SCAF8: variants seen among roughly 807,000 people sequenced by gnomAD.
SCAF8 encodes the protein SR-related and CTD-associated factor 8.
In SCAF8, 23 loss-of-function variants were observed where a neutral mutation model predicts 140.5. That is an observed-to-expected ratio of 0.16 (90% confidence interval 0.12 to 0.23). The LOEUF is 0.23. Among genes scored for constraint, SCAF8 ranks in the 10% least tolerant of loss-of-function variants. The pLI is 1.00. For missense variants in SCAF8, 1,397 were observed against 1,555.7 expected, an observed-to-expected ratio of 0.90 and a Z score of 1.72; for synonymous variants, 575 against 528.9, an observed-to-expected ratio of 1.09 and a Z score of -1.20.
chr6:154,820,171 C>T lies in SCAF8; in HGVS notation c.1636-6C>T. The T allele has an allele frequency of 1.3e-6, 2 of 1,578,872 alleles. No individual in the cohort carries two copies. The highest frequency in any genetic ancestry group is 1.2e-5 in the South Asian group (1 of 83,808). On this transcript the variant is annotated splice_polypyrimidine_tract_variant and splice_region_variant and intron_variant, in intron 14 of 19. Transcript: ENST00000367178. ...CTTTCTTTTTTCCTCTTCCCATTTA[C>T]AATAGATCGCTTGGGCTTTAAACAA...
intron 3 of SCAF8, among the ~76,000 whole-genome samples, chr6:154,778,783 G>GTGTGTGTT (rs1776993349): frequency 3.3e-5 from 5 of 150,954 alleles, no homozygotes; most frequent in Non-Finnish European, 7.4e-5. Flanking sequence ...GTGTGTGTGT[G>GTGTGTGTT]TGTGTGTGTG....
intron 8 of SCAF8, 44 bp from the exon 9 acceptor site, chr6:154,805,322 ATCT>A: frequency 9.2e-7 from 1 of 1,082,390 alleles, no homozygotes; most frequent in Non-Finnish European, 1.4e-6. Flanking sequence ...TTTTCATAGT[ATCT>A]TTAGTGGGTT....
intron 17 of SCAF8, among the ~76,000 whole-genome samples, chr6:154,826,857 A>G (rs1562466413): frequency 6.6e-6 from 1 of 152,212 alleles, no homozygotes; most frequent in Non-Finnish European, 1.5e-5. Context: ...AATAAGTAAA[A>G]TGGCATATAT....
intron 1 of SCAF8, among the ~76,000 whole-genome samples, chr6:154,751,296 T>C (rs956987038): frequency 6.6e-6 from 1 of 151,968 alleles, no homozygotes; most frequent in African/African-American, 2.4e-5. Flanking sequence ...TGGTGTGATC[T>C]CCGCTCACTG....
In SCAF8 at chr6:154,824,215, T is replaced by C; in HGVS notation, c.1927-19T>C. ...GGTGAATAAACTGATGAGTGAACTT[T>C]TTTGTCTATCCACAAAAGATTCCAG... On this transcript the variant is annotated intron_variant, in intron 16 of 19. Coordinates refer to ENST00000367178, the MANE Select transcript of SCAF8 (RefSeq NM_014892.5). 6.2e-7 allele frequency: 1 copy of C among 1,611,326 alleles called. No homozygotes were observed. The highest frequency in any genetic ancestry group is 2.2e-5 in the East Asian group (1 of 44,834).
intron 1 of SCAF8, among the ~76,000 whole-genome samples, chr6:154,746,603 C>A (rs757928495): frequency 2.6e-5 from 4 of 152,158 alleles, no homozygotes; most frequent in Non-Finnish European, 5.9e-5. Context: ...ATTATTTGTT[C>A]ATTCCTGAAA....
chr6:154,740,918 C>T (rs112480979), intron 1 of SCAF8, among the ~76,000 whole-genome samples: 3 of 152,040 alleles, frequency 2.0e-5, no homozygotes, highest in Admixed American at 6.5e-5. Context: ...CGTGCCTGGC[C>T]GCTAAGTAAA....
chr6:154,773,376 G>A (rs1469472091), intron 1 of SCAF8, among the ~76,000 whole-genome samples: 1 of 152,104 alleles, frequency 6.6e-6, no homozygotes, highest in Non-Finnish European at 1.5e-5. Flanking sequence ...GTTGTAACAT[G>A]TATCAGTACT....
intron 6 of SCAF8, among the ~76,000 whole-genome samples, chr6:154,800,066 A>G (rs1433541119): frequency 2.6e-5 from 4 of 151,488 alleles, no homozygotes; most frequent in South Asian, 4.1e-4. Context: ...GATTATAGAC[A>G]TGAGCCACCG....
intron 1 of SCAF8, among the ~76,000 whole-genome samples, chr6:154,740,514 C>G (rs1397773030): frequency 6.6e-6 from 1 of 152,042 alleles, no homozygotes; most frequent in Admixed American, 6.6e-5. Context: ...ATAATAAGCT[C>G]TATGAGGACA....
chr6:154,785,529 C>T (rs534531116), intron 3 of SCAF8, among the ~76,000 whole-genome samples: 208 of 152,228 alleles, frequency 1.4e-3, no homozygotes, highest in African/African-American at 4.6e-3. Flanking sequence ...TCTAATCTGT[C>T]GAGCCATCTT....
At chr6:154,784,050 G>A (rs549150308) in intron 3 of SCAF8, among the ~76,000 whole-genome samples, 84 of 150,714 alleles carry the variant, frequency 5.6e-4, no homozygotes, top group African/African-American at 2.0e-3. Flanking sequence ...CTGGGTGACA[G>A]AGCGAGACTC....
chr6:154,740,146 TTA>T (rs1778530590), intron 1 of SCAF8, among the ~76,000 whole-genome samples: 2 of 152,186 alleles, frequency 1.3e-5, no homozygotes, highest in African/African-American at 4.8e-5. Flanking sequence ...TTAATTAGTA[TTA>T]TAAAGGAAGG....
Position 154,834,057 on chromosome 6 carries a change from A to T in SCAF8, c.*662A>T, listed in dbSNP as rs1362211872. 2 of 152,238 alleles carry T rather than the reference A, an allele frequency of 1.3e-5. No individual in the cohort carries two copies. Among genetic ancestry groups the T allele is most frequent in the Non-Finnish European group, 2.9e-5 (2 of 68,028 alleles). The allele number at this position is 152,238 out of a possible 1,614,324, so 9.4% of individuals were successfully genotyped here. On this transcript the variant is annotated 3_prime_UTR_variant, in exon 20 of 20. Transcript: ENST00000367178. ...GATGCCAATAAAACTTATTTGTTTGATAACAGTGTTCTAGGAATTGTATTT... is the reference window on the plus strand; with the variant it reads ...GATGCCAATAAAACTTATTTGTTTGTTAACAGTGTTCTAGGAATTGTATTT...
chr6:154,752,044 C>T (rs900071726), intron 1 of SCAF8, among the ~76,000 whole-genome samples: 1 of 152,154 alleles, frequency 6.6e-6, no homozygotes, highest in African/African-American at 2.4e-5. Flanking sequence ...AGTCTATATC[C>T]TTAATGTATC....
In SCAF8 at chr6:154,818,571, A is replaced by G; in HGVS notation, c.1614A>G (p.Lys538=). The change falls in exon 14 of 20, where the codon AAA becomes AAG. Residue 538 remains lysine, a synonymous_variant. Coordinates refer to ENST00000367178, the MANE Select transcript of SCAF8 (RefSeq NM_014892.5). ...ALQKLSSGSY[K]IGSKVIKIAW... ...AGAAACTCAGTTCTGGATCATATAA[A>G]ATTGGGTCCAAGGTCATTAAGGTGA... is the stretch of plus-strand genomic sequence containing the variant. 6.3e-7 allele frequency: 1 copy of G among 1,598,580 alleles called. No individual in the cohort carries two copies. Among genetic ancestry groups the G allele is most frequent in the Non-Finnish European group, 8.5e-7 (1 of 1,169,984 alleles).
intron 1 of SCAF8, among the ~76,000 whole-genome samples, chr6:154,740,702 C>T (rs1582991791): frequency 6.7e-6 from 1 of 149,840 alleles, no homozygotes; most frequent in South Asian, 2.1e-4. Context: ...CTCACTGCAA[C>T]CTCTGCCTCT....
chr6:154,788,071 G>A lies in SCAF8; in HGVS notation c.321+49G>A, dbSNP rs1434943905. The A allele has an allele frequency of 3.4e-6, 5 of 1,476,924 alleles. No individual in the cohort carries two copies. The African/African-American group carries it at 5.7e-5, about 17-fold the overall frequency. The allele number at this position is 1,476,924 out of a possible 1,614,324, so 91.5% of individuals were successfully genotyped here. A position where few individuals can be genotyped will look rare whatever the true frequency, so the allele number is the denominator to read the frequency against. On this transcript the variant is annotated intron_variant, in intron 4 of 19. Coordinates refer to ENST00000367178, the MANE Select transcript of SCAF8 (RefSeq NM_014892.5). ...TGTTTTTTTAAAAGTAGATACAGTAGCCTCTTGGTCTTAATTAGTCTTCAG... is the reference window on the plus strand; with the variant it reads ...TGTTTTTTTAAAAGTAGATACAGTAACCTCTTGGTCTTAATTAGTCTTCAG...
intron 12 of SCAF8, 56 bp from the exon 13 acceptor site, chr6:154,815,660 C>A: frequency 1.1e-6 from 1 of 934,584 alleles, no homozygotes; most frequent in Non-Finnish European, 1.7e-6. Flanking sequence ...AATTACTTTT[C>A]AAAGAAGTAA....
Sources: gnomAD v4.1 joint callset for allele counts (sites outside exome capture counted in the v4.1 genomes callset) on GRCh38, gnomAD v4.1.1 for gene constraint, MANE v1.5 for transcripts, NCBI Gene and HGNC (gene_info 2026-07-23, HGNC 2026-07-21) for gene names.